The following PARD3B variants were observed in gnomAD, a reference collection of about 807,000 sequenced individuals.
PARD3B encodes the protein partitioning defective 3 homolog B.
PARD3B carries 103 observed loss-of-function variants against 130.2 expected under a neutral mutation model. The observed-to-expected ratio is 0.79, with a 90% CI of 0.67 to 0.93. PARD3B has a LOEUF of 0.93. Ranked by LOEUF, PARD3B falls within the 40% of genes least tolerant of loss-of-function variation. The pLI is 0.00. For synonymous variants in PARD3B, 583 were observed against 553.2 expected, an observed-to-expected ratio of 1.05 and a Z score of -0.76; for missense variants, 1,609 against 1,499.2, an observed-to-expected ratio of 1.07 and a Z score of -1.21.
At position 204,773,538 on chromosome 2, in the gene PARD3B, T is replaced by C. The variant is rs564889430; in HGVS notation, c.222+87256T>C. On this transcript the variant is annotated intron_variant, in intron 2 of 22. Coordinates refer to ENST00000406610, the MANE Select transcript of PARD3B (RefSeq NM_001302769.2). ...TCTTTTACAAAACTCAACGTTACTGTAATTTTATGGAGGAACTGAAGTTTC... is the reference window on the plus strand; with the variant it reads ...TCTTTTACAAAACTCAACGTTACTGCAATTTTATGGAGGAACTGAAGTTTC... Among the ~76,000 whole-genome samples, 19 of 152,316 alleles carry C rather than the reference T, an allele frequency of 1.2e-4. No individual in the cohort carries two copies. In the East Asian group the frequency reaches 3.1e-3, roughly 25 times the overall value.
intron 11 of PARD3B, among the ~76,000 whole-genome samples, chr2:205,167,242 A>AC (rs939765444): frequency 6.6e-6 from 1 of 151,928 alleles, no homozygotes; most frequent in African/African-American, 2.4e-5. Context: ...AGGTCATTGC[A>AC]CCCCCCAGCA....
rs771003439 is a variant in PARD3B, at chr2:205,276,614, C to T, written c.2186-23916C>T. On this transcript the variant is annotated intron_variant, in intron 16 of 22. Coordinates refer to ENST00000406610, the MANE Select transcript of PARD3B (RefSeq NM_001302769.2). This position sits in a 1 kb window ranked among gnomAD's most constrained non-coding sequence, Gnocchi z 5.0. ...CGGCAACGTTGGGGGATATTTATTCCGGGGAAGTCAGAGAAGCTCCAAAGT... is the reference window on the plus strand; with the variant it reads ...CGGCAACGTTGGGGGATATTTATTCTGGGGAAGTCAGAGAAGCTCCAAAGT... Among the ~76,000 whole-genome samples the T allele has an allele frequency of 6.6e-6, 1 of 152,094 alleles. No individual in the cohort carries two copies. Among genetic ancestry groups the T allele is most frequent in the Non-Finnish European group, 1.5e-5 (1 of 68,014 alleles).
chr2:205,019,090 C>T (rs1282746411), intron 3 of PARD3B, among the ~76,000 whole-genome samples: 5 of 152,036 alleles, frequency 3.3e-5, no homozygotes, highest in Non-Finnish European at 7.4e-5. Context: ...AACATTTGAA[C>T]GATGCCAGAA....
At chr2:205,471,918 T>A (rs2048850282) in intron 20 of PARD3B, among the ~76,000 whole-genome samples, 1 of 152,160 alleles carries the variant, frequency 6.6e-6, no homozygotes, top group South Asian at 2.1e-4. Context: ...TCAGGCCCTC[T>A]TTACAAAAGC....
chr2:204,985,047 G>C (rs997938754), intron 3 of PARD3B, among the ~76,000 whole-genome samples: 6 of 151,900 alleles, frequency 3.9e-5, no homozygotes, highest in African/African-American at 1.5e-4. Flanking sequence ...TATAGGCATT[G>C]CTACAAATTC....
At chr2:205,063,701 G>A (rs1421079467) in intron 4 of PARD3B, among the ~76,000 whole-genome samples, 1 of 152,174 alleles carries the variant, frequency 6.6e-6, no homozygotes, top group Non-Finnish European at 1.5e-5. Context: ...GAGGTACATA[G>A]AGGTTAAGTA....
At chr2:205,354,750 C>A (rs543929896) in intron 18 of PARD3B, among the ~76,000 whole-genome samples, 1 of 152,094 alleles carries the variant, frequency 6.6e-6, no homozygotes, top group Admixed American at 6.6e-5. Context: ...ATTAGAACTG[C>A]GCAGGGATCT....
intron 3 of PARD3B, among the ~76,000 whole-genome samples, chr2:204,968,377 A>T (rs952959470): frequency 1.3e-5 from 2 of 152,156 alleles, no homozygotes; most frequent in African/African-American, 4.8e-5. Context: ...ACCAACAACC[A>T]CCTTCTCCAT....
chr2:204,621,501 A>C (rs2034301390), intron 1 of PARD3B, among the ~76,000 whole-genome samples: 1 of 152,228 alleles, frequency 6.6e-6, no homozygotes, highest in South Asian at 2.1e-4. Context: ...ACTGTGCTTA[A>C]CATAGCTTGG....
At chr2:204,914,281 G>A (rs553376370) in intron 2 of PARD3B, among the ~76,000 whole-genome samples, 1 of 152,096 alleles carries the variant, frequency 6.6e-6, no homozygotes, top group East Asian at 1.9e-4. Context: ...ACCCTTCAAT[G>A]TGTCTGCAAG....
intron 11 of PARD3B, among the ~76,000 whole-genome samples, chr2:205,162,987 C>A (rs1207471632): frequency 6.6e-6 from 1 of 152,274 alleles, no homozygotes. Context: ...ATGGACTACA[C>A]TTCCTTAAGT....
intron 16 of PARD3B, among the ~76,000 whole-genome samples, chr2:205,279,942 C>G (rs2041125069): frequency 6.6e-6 from 1 of 152,168 alleles, no homozygotes; most frequent in Admixed American, 6.5e-5. Context: ...ATAAGTATCC[C>G]TATTTTACCT....
intron 2 of PARD3B, among the ~76,000 whole-genome samples, chr2:204,870,584 A>G (rs866953057): frequency 6.6e-6 from 1 of 152,194 alleles, no homozygotes; most frequent in Non-Finnish European, 1.5e-5. Flanking sequence ...GATTAAGGTC[A>G]TCTGATCACT....
intron 1 of PARD3B, among the ~76,000 whole-genome samples, chr2:204,681,517 T>G (rs1574689513): frequency 6.6e-6 from 1 of 152,316 alleles, no homozygotes; most frequent in East Asian, 1.9e-4. Context: ...TTTAGGAAGG[T>G]GAAGGCGTGT....
At position 205,253,543 on chromosome 2, in the gene PARD3B, C is replaced by T. The variant is rs779916499; in HGVS notation, c.2185+7721C>T. ...GACTCACACTGCTGTCATGGCCCCA[C>T]AGCCTGGAGCCTCCCCTGCCTCCTC... is the stretch of plus-strand genomic sequence containing the variant. On this transcript the variant is annotated intron_variant, in intron 16 of 22. Coordinates refer to ENST00000406610, the MANE Select transcript of PARD3B (RefSeq NM_001302769.2). The surrounding 1 kb of genome is among the most constrained non-coding windows in gnomAD (Gnocchi z 4.4). 3 of 517,720 alleles carry T rather than the reference C, an allele frequency of 5.8e-6. No individual in the cohort carries two copies. Among genetic ancestry groups the T allele is most frequent in the African/African-American group, 3.8e-5 (2 of 52,100 alleles). 32.1% of individuals were successfully genotyped at this position (517,720 alleles called of 1,614,324 possible).
chr2:204,548,764 G>A lies in PARD3B; in HGVS notation c.120+2645G>A, dbSNP rs115821899. The stretch of plus-strand genomic sequence containing the variant: ...TACATGTAGAAAATCTAGTTTCTGA[G>A]GCAAATATTGTAGGATTTGCAAATC... On this transcript the variant is annotated intron_variant, in intron 1 of 22. Coordinates refer to ENST00000406610, the MANE Select transcript of PARD3B (RefSeq NM_001302769.2). 6.6e-3 allele frequency among the ~76,000 whole-genome samples: 997 copies of A among 152,156 alleles called. 8 individuals carry two copies. Among genetic ancestry groups the A allele is most frequent in the African/African-American group, 0.023 (969 of 41,500 alleles).
At chr2:204,826,350 C>T (rs575765893) in intron 2 of PARD3B, among the ~76,000 whole-genome samples, 9 of 152,206 alleles carry the variant, frequency 5.9e-5, no homozygotes, top group Admixed American at 2.6e-4. Flanking sequence ...GACCAATTGC[C>T]GCCATTGTTC....
intron 2 of PARD3B, among the ~76,000 whole-genome samples, chr2:204,814,713 T>C (rs1267457188): frequency 6.6e-6 from 1 of 151,834 alleles, no homozygotes; most frequent in Non-Finnish European, 1.5e-5. Flanking sequence ...CATGGATCCC[T>C]TTTTCCAGTT....
chr2:205,420,788 G>A (rs78774550), intron 19 of PARD3B, among the ~76,000 whole-genome samples: 11,787 of 152,196 alleles, frequency 0.077, 727 homozygotes, highest in African/African-American at 0.17. Flanking sequence ...GCAGGTCACC[G>A]TAAATTTTCT....
Sources: gnomAD v4.1 joint callset for allele counts (sites outside exome capture counted in the v4.1 genomes callset) on GRCh38, gnomAD v4.1.1 for gene constraint, Gnocchi (gnomAD v3.1) non-coding constraint, MANE v1.5 for transcripts, NCBI Gene and HGNC (gene_info 2026-07-23, HGNC 2026-07-21) for gene names.